The following COL25A1 variants were observed in gnomAD, a reference collection of about 807,000 sequenced individuals.
COL25A1 encodes the protein collagen type XXV alpha 1 chain.
A neutral mutation model predicts 128.4 loss-of-function variants in COL25A1; 103 were observed. That is an observed-to-expected ratio of 0.80 (90% CI 0.68 to 0.94). The LOEUF is 0.94. COL25A1 is among the 40% of genes least tolerant of loss of function. COL25A1 has a pLI of 0.00. For synonymous variants in COL25A1, 279 were observed against 277.2 expected (o/e 1.01, Z -0.06); for missense variants, 745 against 840.0 (o/e 0.89, Z 1.40).
chr4:109,142,605 G>T (rs1327417571), intron 3 of COL25A1, among the ~76,000 whole-genome samples: 4 of 151,474 alleles, frequency 2.6e-5, no homozygotes, highest in Non-Finnish European at 5.9e-5. Flanking sequence ...CCCGTATTGG[G>T]TGCATATATA....
At chr4:109,135,652 T>TA (rs1333084413) in intron 3 of COL25A1, among the ~76,000 whole-genome samples, 1 of 151,784 alleles carries the variant, frequency 6.6e-6, no homozygotes, top group Non-Finnish European at 1.5e-5. Context: ...AATGGAGCTT[T>TA]TTTTTTCTTA....
At chr4:109,223,389 T>G in intron 3 of COL25A1, among the ~76,000 whole-genome samples, 1 of 152,018 alleles carries the variant, frequency 6.6e-6, no homozygotes, top group Non-Finnish European at 1.5e-5. Flanking sequence ...TATTATTATA[T>G]TCCACATTTC....
chr4:108,903,445 T>C (rs926796549), intron 13 of COL25A1, among the ~76,000 whole-genome samples: 13 of 152,042 alleles, frequency 8.6e-5, no homozygotes, highest in African/African-American at 2.7e-4. Flanking sequence ...GTCTTGTGAA[T>C]AGTTTAATCA....
Position 109,271,629 on chromosome 4 carries a change from T to A in COL25A1, c.367+28954A>T, listed in dbSNP as rs113402114. On this transcript the variant is annotated intron_variant, in intron 3 of 37. Transcript: ENST00000399132. Reference sequence around the variant, plus strand: ...TATATTAAATGTTATTGAGTGTCAGTCACCTGCTATGAACTATGCAGAAGA... The same window carrying A: ...TATATTAAATGTTATTGAGTGTCAGACACCTGCTATGAACTATGCAGAAGA... 8.3e-3 allele frequency among the ~76,000 whole-genome samples: 1,262 copies of A among 152,300 alleles called. 24 individuals are homozygous for A. The highest frequency in any genetic ancestry group is 0.029 in the African/African-American group (1,201 of 41,562).
rs563350513 is a variant in COL25A1, at chr4:108,855,241, A to G, written c.1321-2316T>C. ...GTTGTAAAAGGTAAAATGTCCACAA[A>G]CTGGGGGCAAGGTTATAAGAAAAAA... On this transcript the variant is annotated intron_variant, in intron 24 of 37. Coordinates refer to ENST00000399132, the MANE Select transcript of COL25A1 (RefSeq NM_198721.4). Among the ~76,000 whole-genome samples the G allele has an allele frequency of 1.0e-4, 15 of 149,452 alleles. No individual in the cohort carries two copies. The South Asian group carries it at 1.3e-3, about 13-fold the overall frequency.
intron 3 of COL25A1, among the ~76,000 whole-genome samples, chr4:109,068,580 T>C (rs1191740608): frequency 1.3e-5 from 2 of 152,174 alleles, no homozygotes; most frequent in Non-Finnish European, 2.9e-5. Context: ...TAATCCTATA[T>C]AGTAGTTTAA....
At chr4:108,928,497 T>A (rs887037094) in intron 11 of COL25A1, among the ~76,000 whole-genome samples, 7 of 152,066 alleles carry the variant, frequency 4.6e-5, no homozygotes, top group African/African-American at 1.7e-4. Context: ...ACTGAATTTT[T>A]AATTTTATTT....
intron 3 of COL25A1, among the ~76,000 whole-genome samples, chr4:109,133,677 CTG>C (rs1442925998): frequency 2.0e-5 from 3 of 152,142 alleles, no homozygotes; most frequent in East Asian, 1.9e-4. Context: ...CTGCAACACT[CTG>C]TGTGCAGAAT....
rs1560887335 is a variant in COL25A1, at chr4:109,218,370, T to TG, written c.367+82212_367+82213insC. Reference sequence around the variant, plus strand: ...TGGTTTTTTGGGGTTTTTTTTTTTTTTTTTTTTTTTTTGCTTTTGAACTAC... The same window carrying TG: ...TGGTTTTTTGGGGTTTTTTTTTTTTTGTTTTTTTTTTTTGCTTTTGAACTAC... On this transcript the variant is annotated intron_variant, in intron 3 of 37. Transcript: ENST00000399132. Among the ~76,000 whole-genome samples the TG allele has an allele frequency of 2.2e-3, 313 of 140,596 alleles. 3 individuals carry two copies. The highest frequency in any genetic ancestry group is 7.7e-3 in the African/African-American group (291 of 37,818). The allele number at this position is 140,596 out of a possible 152,430, so 92.2% of individuals were successfully genotyped here.
intron 6 of COL25A1, among the ~76,000 whole-genome samples, chr4:108,981,736 G>A (rs1447700141): frequency 6.6e-6 from 1 of 151,988 alleles, no homozygotes; most frequent in Admixed American, 6.6e-5. Flanking sequence ...TTAAAATGGG[G>A]AAAATAATGC....
intron 3 of COL25A1, among the ~76,000 whole-genome samples, chr4:109,205,268 C>G (rs1466730513): frequency 2.0e-5 from 3 of 152,088 alleles, no homozygotes; most frequent in Admixed American, 2.0e-4. Flanking sequence ...TGTTTCTGTG[C>G]TGGAGAATGC....
intron 3 of COL25A1, among the ~76,000 whole-genome samples, chr4:109,076,439 C>G (rs771814919): frequency 3.3e-5 from 5 of 151,792 alleles, no homozygotes; most frequent in Non-Finnish European, 5.9e-5. Flanking sequence ...ATGTGCTAAC[C>G]CTGGTGTTCT....
At chr4:108,985,521 G>A (rs1050119546) in intron 6 of COL25A1, among the ~76,000 whole-genome samples, 3 of 152,100 alleles carry the variant, frequency 2.0e-5, no homozygotes, top group African/African-American at 4.8e-5. Flanking sequence ...GGTCTGTTTT[G>A]GGAAAAATAA....
intron 10 of COL25A1, among the ~76,000 whole-genome samples, chr4:108,940,215 T>A (rs370403244): frequency 6.6e-6 from 1 of 152,314 alleles, no homozygotes; most frequent in South Asian, 2.1e-4. Flanking sequence ...CACCTGGGAA[T>A]GGGCAACTCC....
At chr4:108,819,436 C>A in intron 35 of COL25A1, 107 bp from the exon 36 acceptor site, 1 of 839,372 alleles carries the variant, frequency 1.2e-6, no homozygotes, top group South Asian at 1.7e-5. Context: ...AGGAGCAACT[C>A]TGAAGGGAAA....
chr4:109,157,598 A>G (rs751838058), intron 3 of COL25A1, among the ~76,000 whole-genome samples: 2 of 152,236 alleles, frequency 1.3e-5, no homozygotes, highest in African/African-American at 2.4e-5. Context: ...ACTTCTCTTA[A>G]GGAGAGATAG....
chr4:108,853,252 A>G (rs977787101), intron 24 of COL25A1, among the ~76,000 whole-genome samples: 2 of 152,150 alleles, frequency 1.3e-5, no homozygotes, highest in Non-Finnish European at 2.9e-5. Flanking sequence ...GAACTGAGAA[A>G]TTTTGCTATT....
intron 13 of COL25A1, among the ~76,000 whole-genome samples, chr4:108,903,061 T>A (rs34693904): frequency 0.17 from 25,676 of 151,200 alleles, 2,326 homozygotes; most frequent in East Asian, 0.34. Flanking sequence ...CAGAGTTTTT[T>A]AAAAAATAAA....
At chr4:108,868,025 G>A (rs1738151310) in intron 20 of COL25A1, among the ~76,000 whole-genome samples, 1 of 152,136 alleles carries the variant, frequency 6.6e-6, no homozygotes, top group Non-Finnish European at 1.5e-5. Context: ...CTTTTGGGAT[G>A]AGGCACTTAG....
Sources: allele counts gnomAD v4.1 joint callset (sites outside exome capture counted in the v4.1 genomes callset), GRCh38; gene constraint gnomAD v4.1.1; transcripts MANE v1.5; gene names NCBI Gene and HGNC (gene_info 2026-07-23, HGNC 2026-07-21).